Variants in SLC44A5 observed in about 807,000 individuals in gnomAD.
The protein encoded by SLC44A5 is choline transporter-like protein 5.
SLC44A5 carries 57 observed loss-of-function variants against 101.8 expected under a neutral mutation model. The ratio of observed to expected loss-of-function variants is 0.56; its 90% CI spans 0.45 to 0.70. The LOEUF is 0.70. SLC44A5 is among the 30% of genes least tolerant of loss of function. The pLI is 0.00. For synonymous variants in SLC44A5, 281 were observed against 290.9 expected (o/e 0.97, Z 0.35); for missense variants, 737 against 853.1 (o/e 0.86, Z 1.70).
the SLC44A5 span, among the ~76,000 whole-genome samples, chr1:75,693,738 G>A: frequency 1.3e-5 from 2 of 152,220 alleles, no homozygotes; most frequent in African/African-American, 4.8e-5. Context: ...AGACCAGTGA[G>A]GTAGGAGAAA....
chr1:75,400,491 G>A (rs917803609), intron 2 of SLC44A5, among the ~76,000 whole-genome samples: 2 of 152,144 alleles, frequency 1.3e-5, no homozygotes, highest in African/African-American at 4.8e-5. Flanking sequence ...CAAACCCAAA[G>A]GTTACGCATT....
the SLC44A5 span, among the ~76,000 whole-genome samples, chr1:75,647,979 G>T: frequency 1.6e-4 from 25 of 152,266 alleles, no homozygotes; most frequent in Admixed American, 1.5e-3. Flanking sequence ...GTTTTGAAAC[G>T]TGAGAAAGAC....
chr1:75,233,521 C>A (rs985655337), intron 12 of SLC44A5, among the ~76,000 whole-genome samples: 3 of 152,088 alleles, frequency 2.0e-5, no homozygotes, highest in Admixed American at 2.0e-4. Flanking sequence ...CTCTAGAGGG[C>A]AATGCTTCAT....
intron 1 of SLC44A5, chr1:75,582,314 G>A: frequency 6.7e-7 from 1 of 1,496,700 alleles, no homozygotes; most frequent in Non-Finnish European, 9.1e-7. Context: ...GGCTATCAAG[G>A]CCCTGGTAAA....
At chr1:75,667,646 A>G in the SLC44A5 span, among the ~76,000 whole-genome samples, 1 of 152,190 alleles carries the variant, frequency 6.6e-6, no homozygotes, top group East Asian at 1.9e-4. Context: ...TACTAACCCT[A>G]TTTTACAGGA....
At chr1:75,701,346 T>C in the SLC44A5 span, among the ~76,000 whole-genome samples, 1 of 152,098 alleles carries the variant, frequency 6.6e-6, no homozygotes, top group Non-Finnish European at 1.5e-5. Context: ...GTGAGGCTGG[T>C]TCAACATACG....
chr1:75,257,100 C>T (rs1461238597), intron 6 of SLC44A5, among the ~76,000 whole-genome samples: 4 of 152,212 alleles, frequency 2.6e-5, no homozygotes, highest in East Asian at 3.9e-4. Flanking sequence ...GAGACCATTG[C>T]TTTTATTATA....
At chr1:75,429,926 G>T (rs1374764969) in intron 2 of SLC44A5, among the ~76,000 whole-genome samples, 3 of 152,170 alleles carry the variant, frequency 2.0e-5, no homozygotes, top group Non-Finnish European at 2.9e-5. Context: ...CATCTATTGT[G>T]CTGGGAGCTA....
the SLC44A5 span, among the ~76,000 whole-genome samples, chr1:75,687,228 C>T: frequency 6.6e-6 from 1 of 152,148 alleles, no homozygotes. Flanking sequence ...CCCACCAGCA[C>T]CATGACAGTT....
chr1:75,528,434 A>G (rs1670542266), intron 2 of SLC44A5, among the ~76,000 whole-genome samples: 2 of 152,208 alleles, frequency 1.3e-5, no homozygotes, highest in South Asian at 4.1e-4. Flanking sequence ...GTATAAACAC[A>G]TGGATTTTAC....
At chr1:75,236,141 A>T (rs1206337037) in intron 11 of SLC44A5, among the ~76,000 whole-genome samples, 1 of 152,108 alleles carries the variant, frequency 6.6e-6, no homozygotes, top group African/African-American at 2.4e-5. Flanking sequence ...TTGATAGTCT[A>T]GGGATGGGCA....
At chr1:75,334,933 G>A (rs1474215513) in intron 4 of SLC44A5, among the ~76,000 whole-genome samples, 2 of 152,132 alleles carry the variant, frequency 1.3e-5, no homozygotes, top group Admixed American at 6.5e-5. Context: ...ATACCACGTT[G>A]TAGTTAGTTG....
At chr1:75,523,635 C>A (rs1282312700) in intron 2 of SLC44A5, among the ~76,000 whole-genome samples, 1 of 152,180 alleles carries the variant, frequency 6.6e-6, no homozygotes, top group African/African-American at 2.4e-5. Context: ...ACAATTCTTA[C>A]AACAAAAACA....
the SLC44A5 span, among the ~76,000 whole-genome samples, chr1:75,721,860 C>T: frequency 6.6e-6 from 1 of 152,168 alleles, no homozygotes; most frequent in South Asian, 2.1e-4. Context: ...CTTCAATGGG[C>T]AATCATTCAT....
intron 2 of SLC44A5, among the ~76,000 whole-genome samples, chr1:75,410,122 A>G (rs745957038): frequency 1.1e-4 from 16 of 152,116 alleles, no homozygotes; most frequent in Non-Finnish European, 1.6e-4. Context: ...TAGAGAGTAT[A>G]TGTTATATAT....
chr1:75,214,587 T>C lies in SLC44A5; in HGVS notation c.1802+18A>G. 6.2e-7 allele frequency: 1 copy of C among 1,605,298 alleles called. No individual in the cohort carries two copies. Among genetic ancestry groups the C allele is most frequent in the Non-Finnish European group, 8.5e-7 (1 of 1,173,238 alleles). ...TTCACTACATTGTTAAATTACATTGTGCAGCCTGATTACTTACTTCAAAAC... is the reference window on the plus strand; with the variant it reads ...TTCACTACATTGTTAAATTACATTGCGCAGCCTGATTACTTACTTCAAAAC... On this transcript the variant is annotated intron_variant, in intron 20 of 23. Transcript: ENST00000370859.
At chr1:75,320,104 T>C (rs917699072) in intron 4 of SLC44A5, among the ~76,000 whole-genome samples, 1 of 152,132 alleles carries the variant, frequency 6.6e-6, no homozygotes, top group African/African-American at 2.4e-5. Flanking sequence ...TCAAATATTC[T>C]GGGAAGTCAA....
At chr1:75,646,927 A>C in the SLC44A5 span, among the ~76,000 whole-genome samples, 3 of 152,224 alleles carry the variant, frequency 2.0e-5, no homozygotes, top group African/African-American at 7.2e-5. Context: ...GACAATGCAA[A>C]AGAAAAGAAA....
intron 3 of SLC44A5, among the ~76,000 whole-genome samples, chr1:75,384,909 A>C (rs1216919581): frequency 1.3e-5 from 2 of 151,182 alleles, no homozygotes; most frequent in Non-Finnish European, 3.0e-5. Flanking sequence ...AATCTCACTC[A>C]AAACCACTCA....
Sources: allele counts gnomAD v4.1 joint callset (sites outside exome capture counted in the v4.1 genomes callset), GRCh38; gene constraint gnomAD v4.1.1; transcripts MANE v1.5; gene names NCBI Gene and HGNC (gene_info 2026-07-23, HGNC 2026-07-21).